NUP214: variants seen among roughly 807,000 people sequenced by gnomAD.
The protein encoded by NUP214 is nucleoporin 214.
In NUP214, 79 loss-of-function variants were observed where a neutral mutation model predicts 196.2. The observed-to-expected ratio is 0.40, with a 90% CI of 0.34 to 0.49. The LOEUF (loss-of-function observed/expected upper bound fraction) is 0.49, where lower values mean the gene tolerates loss of function less well. Ranked by LOEUF, NUP214 falls within the 20% of genes least tolerant of loss-of-function variation. The pLI is 0.58. For missense variants in NUP214, 2,468 were observed against 2,539.0 expected (o/e 0.97, Z 0.60); for synonymous variants, 1,020 against 990.5 (o/e 1.03, Z -0.56).
intron 30 of NUP214, among the ~76,000 whole-genome samples, chr9:131,202,867 T>C (rs1833976365): frequency 6.6e-6 from 1 of 152,018 alleles, no homozygotes; most frequent in African/African-American, 2.4e-5. Flanking sequence ...AGCTGTTTGA[T>C]TTTATGTAGC....
At position 131,146,205 on chromosome 9, in the gene NUP214, T is replaced by G; in HGVS notation, c.1846T>G (p.Ser616Ala). Residue 616 changes from serine to alanine, a missense_variant, in exon 13 of 36, where the codon TCC becomes GCC. Coordinates refer to ENST00000359428, the MANE Select transcript of NUP214 (RefSeq NM_005085.4). This position sits in a 1 kb window ranked among gnomAD's most constrained non-coding sequence, Gnocchi z 4.6. ...CCCGATGTCGCCATTCTCTTCTGCCTCCAAGCCAGCTGCTTCTGGACCACT... is the reference window on the plus strand; with the variant it reads ...CCCGATGTCGCCATTCTCTTCTGCCGCCAAGCCAGCTGCTTCTGGACCACT... ...APPMSPFSSA[S>A]KPAASGPLSH... The G allele has an allele frequency of 6.2e-7, 1 of 1,614,112 alleles. No homozygotes were observed. Among genetic ancestry groups the G allele is most frequent in the Admixed American group, 1.7e-5 (1 of 60,018 alleles).
chr9:131,212,717 T>A (rs1474985995), intron 30 of NUP214, among the ~76,000 whole-genome samples: 1 of 152,226 alleles, frequency 6.6e-6, no homozygotes, highest in Non-Finnish European at 1.5e-5. Flanking sequence ...ACTTACTCCT[T>A]ACTCCTTACA....
At chr9:131,128,549 C>T (rs2133441793) in intron 3 of NUP214, 66 bp downstream of exon 3, 1 of 1,402,844 alleles carries the variant, frequency 7.1e-7, no homozygotes, top group South Asian at 1.5e-5. Flanking sequence ...TATTGAATTA[C>T]AACTTGGAAG....
Position 131,144,585 on chromosome 9 carries a change from C to A in NUP214, c.1600C>A (p.Pro534Thr). 1 of 1,614,186 alleles carries A rather than the reference C, an allele frequency of 6.2e-7. No individual in the cohort carries two copies. The highest frequency in any genetic ancestry group is 8.5e-7 in the Non-Finnish European group (1 of 1,180,034). Residue 534 changes from proline to threonine, a missense_variant, in exon 12 of 36, where the codon CCT becomes ACT. By Grantham distance (38) the Pro-to-Thr change is conservative. Coordinates refer to ENST00000359428, the MANE Select transcript of NUP214 (RefSeq NM_005085.4). ...PPSKASLAPTPAASPVAPSAA... is the reference protein window; with the variant it reads ...PPSKASLAPTTAASPVAPSAA... ...TTCTAAAGCCTCCCTAGCCCCCACCCCTGCAGCGTCTCCTGTGGCTCCATC... is the reference window on the plus strand; with the variant it reads ...TTCTAAAGCCTCCCTAGCCCCCACCACTGCAGCGTCTCCTGTGGCTCCATC...
chr9:131,164,194 G>T, intron 21 of NUP214, 50 bp downstream of exon 21: 1 of 1,562,644 alleles, frequency 6.4e-7, no homozygotes, highest in Admixed American at 1.7e-5. Flanking sequence ...GGTGTGGTGG[G>T]GTGTGTGTGT....
At chr9:131,180,632 GTT>G (rs976794006) in intron 24 of NUP214, among the ~76,000 whole-genome samples, 2 of 152,174 alleles carry the variant, frequency 1.3e-5, no homozygotes, top group African/African-American at 4.8e-5. Context: ...TTGGAAGAGT[GTT>G]TATCTGGCGC....
rs762826214 is a variant in NUP214, at chr9:131,146,341, T to C, written c.1945+37T>C. The C allele has an allele frequency of 2.5e-6, 4 of 1,593,214 alleles. No individual in the cohort carries two copies. The highest frequency in any genetic ancestry group is 1.3e-5 in the African/African-American group (1 of 74,442). The stretch of plus-strand genomic sequence containing the variant: ...AGCAGACAACTTTAGACCTCAGCCC[T>C]GCCTTCTCAGATTAACGGTTTTAAG... On this transcript the variant is annotated intron_variant, in intron 13 of 35. Transcript: ENST00000359428. This position sits in a 1 kb window ranked among gnomAD's most constrained non-coding sequence, Gnocchi z 4.6.
intron 21 of NUP214, among the ~76,000 whole-genome samples, chr9:131,172,409 T>G (rs1000925106): frequency 2.0e-5 from 3 of 152,248 alleles, no homozygotes; most frequent in Non-Finnish European, 4.4e-5. Flanking sequence ...TTGTTTGTTT[T>G]TTCCTTGTAA....
intron 27 of NUP214, chr9:131,192,612 T>C: frequency 5.1e-6 from 1 of 196,422 alleles, no homozygotes; most frequent in Non-Finnish European, 1.0e-5. Context: ...GTTTCCATTC[T>C]GACACCATTT....
chr9:131,206,189 A>G (rs1834082346), intron 30 of NUP214, among the ~76,000 whole-genome samples: 1 of 92,270 alleles, frequency 1.1e-5, no homozygotes, highest in Non-Finnish European at 2.1e-5. Flanking sequence ...CCTGTCGTCA[A>G]GGCTGGAGTG....
chr9:131,187,990 A>G (rs1292743744), intron 25 of NUP214, among the ~76,000 whole-genome samples: 1 of 152,212 alleles, frequency 6.6e-6, no homozygotes, highest in African/African-American at 2.4e-5. Flanking sequence ...CAGTTAACCC[A>G]TACAACAGCC....
At chr9:131,179,032 G>T (rs1238018600) in intron 24 of NUP214, among the ~76,000 whole-genome samples, 3 of 151,832 alleles carry the variant, frequency 2.0e-5, no homozygotes, top group Non-Finnish European at 4.4e-5. Flanking sequence ...TCTCACTCTT[G>T]CCCAGACTGG....
At chr9:131,180,097 G>C (rs1403468938) in intron 24 of NUP214, among the ~76,000 whole-genome samples, 1 of 152,210 alleles carries the variant, frequency 6.6e-6, no homozygotes, top group Admixed American at 6.5e-5. Flanking sequence ...CATCTGAGCT[G>C]ATCTTTGATG....
chr9:131,220,848 A>T (rs201081493), intron 31 of NUP214, among the ~76,000 whole-genome samples: 1 of 152,208 alleles, frequency 6.6e-6, no homozygotes, highest in East Asian at 1.9e-4. Context: ...GTTCTTAAAG[A>T]GAGAAAAAGA....
chr9:131,131,264 T>C (rs778920463), intron 5 of NUP214, among the ~76,000 whole-genome samples: 2 of 152,244 alleles, frequency 1.3e-5, no homozygotes, highest in Non-Finnish European at 2.9e-5. Context: ...ACTGAGTCTG[T>C]CTTTAAAGGT....
At chr9:131,135,896 A>G (rs773789945) in intron 8 of NUP214, 44 bp from the exon 9 acceptor site, 6 of 1,525,900 alleles carry the variant, frequency 3.9e-6, no homozygotes, top group Admixed American at 3.4e-5. Flanking sequence ...GCTTAGAACT[A>G]TTGCTGTATT....
chr9:131,193,629 C>CTTTGTTT (rs1833678246), intron 27 of NUP214, among the ~76,000 whole-genome samples: 1 of 28,218 alleles, frequency 3.5e-5, no homozygotes, highest in Non-Finnish European at 6.5e-5. Context: ...TCTTCCTTTT[C>CTTTGTTT]TTTTTTTTTT....
intron 27 of NUP214, among the ~76,000 whole-genome samples, chr9:131,194,699 C>T (rs1407383712): frequency 1.3e-5 from 2 of 152,186 alleles, no homozygotes; most frequent in African/African-American, 4.8e-5. Context: ...CCGTAAAACT[C>T]AGTTCTGTCA....
At position 131,198,750 on chromosome 9, in the gene NUP214, C is replaced by G. The variant is rs150507817; in HGVS notation, c.5256C>G (p.Ser1752=). Residue 1752 remains serine (S), a synonymous_variant, in exon 29 of 36, where the codon TCC becomes TCG. Transcript: ENST00000359428. ...VFSFSQPGFS[S]VPAFGQPASS... ...CCTTCAGTCAGCCTGGGTTCAGTTC[C>G]GTGCCTGCCTTCGGTCAGCCTGCTT... 291 of 1,614,224 alleles carry G rather than the reference C, an allele frequency of 1.8e-4. 3 individuals are homozygous for G. In the African/African-American group the frequency reaches 3.7e-3, roughly 20 times the overall value.
Sources: gnomAD v4.1 joint callset for allele counts (sites outside exome capture counted in the v4.1 genomes callset) on GRCh38, gnomAD v4.1.1 for gene constraint, Gnocchi (gnomAD v3.1) non-coding constraint, MANE v1.5 for transcripts, NCBI Gene and HGNC (gene_info 2026-07-23, HGNC 2026-07-21) for gene names.